Variants in ITPR2 observed in about 807,000 individuals in gnomAD.
ITPR2 encodes the protein inositol 1,4,5-trisphosphate-gated calcium channel ITPR2.
ITPR2 carries 207 observed loss-of-function variants against 317.1 expected under a neutral mutation model. The observed-to-expected ratio is 0.65, with a 90% CI of 0.58 to 0.73. ITPR2 has a LOEUF of 0.73. Among genes scored for constraint, ITPR2 ranks in the 30% least tolerant of loss-of-function variants. The pLI is 0.00. For missense variants in ITPR2, 2,613 were observed against 3,284.0 expected (o/e 0.80, Z 4.99); for synonymous variants, 1,156 against 1,149.1 (o/e 1.01, Z -0.12).
At chr12:26,665,470 T>G (rs1947604608) in intron 14 of ITPR2, among the ~76,000 whole-genome samples, 1 of 152,208 alleles carries the variant, frequency 6.6e-6, no homozygotes, top group Non-Finnish European at 1.5e-5. Context: ...CATTTCTAAC[T>G]AATAGAACAC....
At chr12:26,627,681 C>T (rs1454800325) in intron 23 of ITPR2, among the ~76,000 whole-genome samples, 1 of 152,040 alleles carries the variant, frequency 6.6e-6, no homozygotes, top group Non-Finnish European at 1.5e-5. Flanking sequence ...AACAGAAAAC[C>T]AAACACTGCA....
chr12:26,500,767 G>C (rs189446999), intron 37 of ITPR2, among the ~76,000 whole-genome samples: 27 of 152,178 alleles, frequency 1.8e-4, no homozygotes, highest in African/African-American at 6.5e-4. Context: ...AGAAATCATT[G>C]CCTTTCATGG....
At chr12:26,719,065 T>A (rs565666259) in intron 5 of ITPR2, among the ~76,000 whole-genome samples, 1 of 152,194 alleles carries the variant, frequency 6.6e-6, no homozygotes, top group Non-Finnish European at 1.5e-5. Context: ...TGACAATGAT[T>A]ACCTTGCCTA....
intron 2 of ITPR2, among the ~76,000 whole-genome samples, chr12:26,727,816 G>A (rs1162883207): frequency 3.3e-5 from 5 of 152,264 alleles, no homozygotes; most frequent in African/African-American, 4.8e-5. Context: ...CACAGGCAAC[G>A]GAGGTCAGAA....
At chr12:26,654,506 T>C (rs1472454291) in intron 20 of ITPR2, among the ~76,000 whole-genome samples, 1 of 152,208 alleles carries the variant, frequency 6.6e-6, no homozygotes, top group Non-Finnish European at 1.5e-5. Flanking sequence ...CTATGTTCCC[T>C]ATGCTGCTTT....
chr12:26,530,900 A>C (rs1943927127), intron 37 of ITPR2, among the ~76,000 whole-genome samples: 1 of 152,248 alleles, frequency 6.6e-6, no homozygotes, highest in Admixed American at 6.5e-5. Context: ...AAGAGGTGAC[A>C]ATAGATAAAA....
intron 32 of ITPR2, among the ~76,000 whole-genome samples, chr12:26,589,690 G>A (rs1329689460): frequency 1.0e-4 from 15 of 149,566 alleles, no homozygotes; most frequent in Non-Finnish European, 2.2e-4. Flanking sequence ...GGGAGGCTGA[G>A]GCAGGAGAAT....
intron 2 of ITPR2, among the ~76,000 whole-genome samples, chr12:26,757,825 T>C (rs1949554353): frequency 6.6e-6 from 1 of 152,228 alleles, no homozygotes; most frequent in Non-Finnish European, 1.5e-5. Flanking sequence ...TTTATTGGAC[T>C]CTCAGGAAAT....
intron 54 of ITPR2, 152 bp from the exon 55 acceptor site, chr12:26,387,746 A>T: frequency 3.0e-6 from 2 of 656,732 alleles, no homozygotes; most frequent in Admixed American, 6.0e-5. Flanking sequence ...ACAACACAGT[A>T]CACAAGACCT....
rs781173752 is a variant in ITPR2 at position 26,666,069 on chromosome 12, G to T, written c.1410-18C>A. ...TTACAAACCTATTACAAAATGAAAAGGAAATTTTACTTTACAGTGTGCTTA... is the reference window on the plus strand; with the variant it reads ...TTACAAACCTATTACAAAATGAAAATGAAATTTTACTTTACAGTGTGCTTA... On this transcript the variant is annotated intron_variant, in intron 13 of 56. Coordinates refer to ENST00000381340, the MANE Select transcript of ITPR2 (RefSeq NM_002223.4). 1 of 1,599,620 alleles carries T rather than the reference G, an allele frequency of 6.3e-7. No homozygotes were observed. Among genetic ancestry groups the T allele is most frequent in the East Asian group, 2.2e-5 (1 of 44,574 alleles).
At chr12:26,541,373 A>T (rs560754698) in intron 37 of ITPR2, among the ~76,000 whole-genome samples, 5 of 152,238 alleles carry the variant, frequency 3.3e-5, no homozygotes, top group African/African-American at 1.2e-4. Flanking sequence ...TATACATGGG[A>T]ATGACTAAGA....
At chr12:26,567,988 ATAT>A (rs1169693630) in intron 34 of ITPR2, among the ~76,000 whole-genome samples, 1 of 111,870 alleles carries the variant, frequency 8.9e-6, no homozygotes, top group East Asian at 3.0e-4. Context: ...TTATATATAT[ATAT>A]ATATATTATA....
intron 21 of ITPR2, among the ~76,000 whole-genome samples, chr12:26,642,392 G>C (rs1054181027): frequency 3.3e-5 from 5 of 152,062 alleles, no homozygotes; most frequent in Non-Finnish European, 7.4e-5. Context: ...ATGGATTAAT[G>C]GCATTATCCC....
intron 37 of ITPR2, among the ~76,000 whole-genome samples, chr12:26,547,375 T>C (rs1375717352): frequency 1.3e-5 from 2 of 152,224 alleles, no homozygotes; most frequent in Non-Finnish European, 2.9e-5. Flanking sequence ...CCAGCCAGAA[T>C]GGCTATTATT....
In ITPR2 at chr12:26,407,365, C is replaced by A. The variant is rs143657042; in HGVS notation, c.7399+3955G>T. On this transcript the variant is annotated intron_variant, in intron 52 of 56. Coordinates refer to ENST00000381340, the MANE Select transcript of ITPR2 (RefSeq NM_002223.4). The stretch of plus-strand genomic sequence containing the variant: ...GGGCTAGATGATTCTTTGTTGTGGA[C>A]TGTCCTGTGCAATGTGGGATGCTTA... Among the ~76,000 whole-genome samples, 185 of 152,216 alleles carry A rather than the reference C, an allele frequency of 1.2e-3. 1 individual carries two copies. The highest frequency in any genetic ancestry group is 2.2e-3 in the Non-Finnish European group (147 of 68,018).
intron 21 of ITPR2, among the ~76,000 whole-genome samples, chr12:26,637,868 T>G (rs1216323203): frequency 1.3e-5 from 2 of 152,146 alleles, no homozygotes; most frequent in Non-Finnish European, 2.9e-5. Context: ...GAATACTTAA[T>G]GGAAGAAGCA....
At position 26,436,333 on chromosome 12, in the gene ITPR2, C is replaced by G. The variant is rs1941347519; in HGVS notation, c.6657G>C (p.Leu2219=). The G allele has an allele frequency of 6.2e-7, 1 of 1,611,538 alleles. No individual in the cohort carries two copies. The highest frequency in any genetic ancestry group is 1.3e-5 in the African/African-American group (1 of 74,626). ...GAGAGATGTGCCTCGAGAACCAGAA[C>G]AGTGCAGGGTTATCTAGGAAGTGAG... ...WQKKIRNNPA[L]FWFSRHISLW... Residue 2219 remains leucine, a synonymous_variant, in exon 48 of 57, where the codon CTG becomes CTC. Coordinates refer to ENST00000381340, the MANE Select transcript of ITPR2 (RefSeq NM_002223.4).
intron 1 of ITPR2, among the ~76,000 whole-genome samples, chr12:26,822,826 A>C (rs10771306): frequency 0.19 from 29,105 of 152,192 alleles, 3,482 homozygotes; most frequent in Non-Finnish European, 0.28. Flanking sequence ...ATATGAACCA[A>C]GCTTAAACCT....
At chr12:26,756,398 A>G (rs928749587) in intron 2 of ITPR2, among the ~76,000 whole-genome samples, 3 of 152,218 alleles carry the variant, frequency 2.0e-5, no homozygotes, top group Non-Finnish European at 2.9e-5. Flanking sequence ...TAGCAAACCC[A>G]TATCAGCTTG....
Sources: allele counts gnomAD v4.1 joint callset (sites outside exome capture counted in the v4.1 genomes callset), GRCh38; gene constraint gnomAD v4.1.1; transcripts MANE v1.5; gene names NCBI Gene and HGNC (gene_info 2026-07-23, HGNC 2026-07-21).